The following SYNPO2 variants were observed in gnomAD, a reference collection of about 807,000 sequenced individuals.
The protein encoded by SYNPO2 is synaptopodin-2.
Under a neutral mutation model 85.0 loss-of-function variants are expected in SYNPO2, and 56 were observed. That is an observed-to-expected ratio of 0.66 (90% CI 0.53 to 0.82). The LOEUF is 0.82. SYNPO2 is among the 40% of genes least tolerant of loss of function. The probability of loss-of-function intolerance (pLI) is 0.00; values close to 1 mark genes in which losing one functional copy is unlikely to be tolerated. For synonymous variants in SYNPO2, 602 were observed against 591.1 expected, an observed-to-expected ratio of 1.02 and a Z score of -0.27; for missense variants, 1,575 against 1,534.2, an observed-to-expected ratio of 1.03 and a Z score of -0.44.
At chr4:118,911,769 C>G (rs1262652624) in intron 1 of SYNPO2, among the ~76,000 whole-genome samples, 1 of 152,152 alleles carries the variant, frequency 6.6e-6, no homozygotes, top group African/African-American at 2.4e-5. Context: ...TGAGATGAGA[C>G]ATGAACTAAA....
intron 1 of SYNPO2, among the ~76,000 whole-genome samples, chr4:118,921,665 G>T (rs935811175): frequency 6.6e-6 from 1 of 151,936 alleles, no homozygotes; most frequent in African/African-American, 2.4e-5. Flanking sequence ...CTTTAATTTG[G>T]AAAAATAGAT....
Position 119,057,970 on chromosome 4 carries a change from T to G in SYNPO2, c.*36T>G. ...AACGGATCATGTGCCAACTGTAGTT[T>G]TTTAAAAAAAACGCTCCTTTGTAGG... On this transcript the variant is annotated 3_prime_UTR_variant, in exon 5 of 5. Transcript: ENST00000307142. 2 of 1,554,542 alleles carry G rather than the reference T, an allele frequency of 1.3e-6. No homozygotes were observed. The highest frequency in any genetic ancestry group is 1.7e-6 in the Non-Finnish European group (2 of 1,159,390).
rs1308095753 is a variant in SYNPO2, at chr4:119,014,462, C to T, written c.106-8968C>T. 2.0e-5 allele frequency among the ~76,000 whole-genome samples: 3 copies of T among 151,904 alleles called. No individual in the cohort carries two copies. The East Asian group carries it at 5.8e-4, about 29-fold the overall frequency. Reference sequence around the variant, plus strand: ...GATTTGTAGAAGTGGGAAATAATACCACTATTCTCACTACATTACCTGTTT... The same window carrying T: ...GATTTGTAGAAGTGGGAAATAATACTACTATTCTCACTACATTACCTGTTT... On this transcript the variant is annotated intron_variant, in intron 1 of 4. Transcript: ENST00000307142.
chr4:118,967,350 T>C (rs1560922080), intron 1 of SYNPO2, among the ~76,000 whole-genome samples: 1 of 152,254 alleles, frequency 6.6e-6, no homozygotes. Flanking sequence ...CTTTTAGCTC[T>C]GACATTCCCT....
At chr4:118,897,762 C>G (rs1355196711) in intron 1 of SYNPO2, among the ~76,000 whole-genome samples, 2 of 152,138 alleles carry the variant, frequency 1.3e-5, no homozygotes, top group African/African-American at 4.8e-5. Context: ...GGGTTCACAT[C>G]TAAAGAGCCT....
At chr4:119,007,412 C>G (rs1737123712) in intron 1 of SYNPO2, among the ~76,000 whole-genome samples, 1 of 139,600 alleles carries the variant, frequency 7.2e-6, no homozygotes, top group Admixed American at 7.2e-5. Context: ...AAAAAACAAA[C>G]AAAAAAAAAA....
chr4:119,031,841 G>A lies in SYNPO2; in HGVS notation c.3066G>A (p.Ser1022=), dbSNP rs772313468. 8 of 1,614,192 alleles carry A rather than the reference G, an allele frequency of 5.0e-6. No homozygotes were observed. In the South Asian group the frequency reaches 7.7e-5, roughly 16 times the overall value. Residue 1022 remains serine, a synonymous_variant, in exon 4 of 5, where the codon TCG becomes TCA. Coordinates refer to ENST00000307142, the MANE Select transcript of SYNPO2 (RefSeq NM_133477.3). ...NAASPTNVQA[S]SVYSVPAYTS... ...CCTCACCTACGAATGTGCAGGCTTC[G>A]TCAGTGTACTCGGTACCAGCCTATA...
chr4:118,939,248 G>C (rs1165312112), intron 1 of SYNPO2, among the ~76,000 whole-genome samples: 1 of 152,242 alleles, frequency 6.6e-6, no homozygotes. Flanking sequence ...AGCATTGCCA[G>C]TTTAACCGTC....
At chr4:118,988,901 C>G (rs1188418629) in intron 1 of SYNPO2, among the ~76,000 whole-genome samples, 1 of 152,176 alleles carries the variant, frequency 6.6e-6, no homozygotes, top group Non-Finnish European at 1.5e-5. Context: ...CACATCTTGA[C>G]AGAAGGCTCA....
At chr4:118,927,629 A>G (rs936582983) in intron 1 of SYNPO2, among the ~76,000 whole-genome samples, 2 of 152,164 alleles carry the variant, frequency 1.3e-5, no homozygotes, top group Non-Finnish European at 2.9e-5. Flanking sequence ...AGAGTGTTGA[A>G]TATTTAATGT....
At chr4:118,939,605 T>A (rs1043396569) in intron 1 of SYNPO2, among the ~76,000 whole-genome samples, 2 of 152,184 alleles carry the variant, frequency 1.3e-5, no homozygotes, top group Admixed American at 6.5e-5. Context: ...CAGCAACTTG[T>A]GTGTGTGGCG....
At chr4:118,896,292 C>T (rs1326248964) in intron 1 of SYNPO2, among the ~76,000 whole-genome samples, 2 of 152,192 alleles carry the variant, frequency 1.3e-5, no homozygotes, top group East Asian at 3.9e-4. Context: ...ATTACAGGAA[C>T]ACATCTGTAA....
chr4:118,853,659 C>G (rs187417742), intron 1 of SYNPO2, among the ~76,000 whole-genome samples: 1 of 152,120 alleles, frequency 6.6e-6, no homozygotes, highest in Admixed American at 6.5e-5. Context: ...CATTTGGACT[C>G]AAGTGGCTAG....
intron 1 of SYNPO2, among the ~76,000 whole-genome samples, chr4:118,951,005 T>C (rs985200893): frequency 1.8e-4 from 27 of 152,278 alleles, no homozygotes; most frequent in Non-Finnish European, 2.4e-4. Context: ...AAATTACCTA[T>C]CCTAAATGGT....
intron 1 of SYNPO2, among the ~76,000 whole-genome samples, chr4:118,943,486 A>C (rs1734391550): frequency 6.6e-6 from 1 of 152,214 alleles, no homozygotes; most frequent in Non-Finnish European, 1.5e-5. Context: ...GGGAACAATT[A>C]TATAGAATTT....
chr4:118,922,249 T>C (rs1037134639), intron 1 of SYNPO2, among the ~76,000 whole-genome samples: 2 of 152,068 alleles, frequency 1.3e-5, no homozygotes, highest in African/African-American at 4.8e-5. Context: ...CCTTTTTAAT[T>C]ATCGATTCGA....
rs753538835 is a variant in SYNPO2, at chr4:119,031,102, T to C, written c.2327T>C (p.Val776Ala). 2.5e-6 allele frequency: 4 copies of C among 1,614,004 alleles called. No individual in the cohort carries two copies. In the South Asian group the frequency reaches 4.4e-5, roughly 18 times the overall value. The part of the protein sequence containing the change: ...KSSSSQPVTP[V>A]SPVWSPGVAP... ...TCATCCTCCCAACCAGTAACTCCAG[T>C]TTCCCCAGTCTGGTCTCCAGGAGTG... The change falls in exon 4 of 5, where the codon GTT becomes GCT. Residue 776 changes from valine (V) to alanine (A), a missense_variant. Val to Ala is a moderately conservative substitution (Grantham distance 64). Coordinates refer to ENST00000307142, the MANE Select transcript of SYNPO2 (RefSeq NM_133477.3).
At chr4:119,032,915 CT>C in intron 4 of SYNPO2, 1 of 957,784 alleles carries the variant, frequency 1.0e-6, no homozygotes, top group Non-Finnish European at 1.2e-6. Context: ...GGATAATTAT[CT>C]TTAAAGGTTG....
chr4:118,875,104 C>T (rs1040652748), intron 1 of SYNPO2, among the ~76,000 whole-genome samples: 5 of 152,140 alleles, frequency 3.3e-5, no homozygotes, highest in Non-Finnish European at 7.3e-5. Flanking sequence ...TGAGAACGTG[C>T]GGTATTTGGT....
Sources: gnomAD v4.1 joint callset for allele counts (sites outside exome capture counted in the v4.1 genomes callset) on GRCh38, gnomAD v4.1.1 for gene constraint, MANE v1.5 for transcripts, NCBI Gene and HGNC (gene_info 2026-07-23, HGNC 2026-07-21) for gene names.